SEMA3A: variants seen among roughly 807,000 people sequenced by gnomAD.
The protein encoded by SEMA3A is semaphorin 3A.
A neutral mutation model predicts 97.9 loss-of-function variants in SEMA3A; 29 were observed. The observed-to-expected ratio is 0.30, with a 90% confidence interval of 0.22 to 0.40. The LOEUF (loss-of-function observed/expected upper bound fraction) is 0.40, where lower values mean the gene tolerates loss of function less well. SEMA3A is among the 10% of genes least tolerant of loss of function. The pLI is 1.00. For missense variants in SEMA3A, 763 were observed against 951.3 expected, an observed-to-expected ratio of 0.80 and a Z score of 2.60; for synonymous variants, 321 against 323.7, an observed-to-expected ratio of 0.99 and a Z score of 0.09.
chr7:84,358,279 T>G (rs1292796958), intron 2 of SEMA3A, among the ~76,000 whole-genome samples: 1 of 152,176 alleles, frequency 6.6e-6, no homozygotes, highest in East Asian at 1.9e-4. Flanking sequence ...GGTCTAACAT[T>G]TAAGTCTTTA....
At chr7:84,005,944 G>T (rs1374691922) in intron 10 of SEMA3A, among the ~76,000 whole-genome samples, 2 of 151,924 alleles carry the variant, frequency 1.3e-5, no homozygotes, top group Non-Finnish European at 2.9e-5. Flanking sequence ...ACAAGAATCT[G>T]TCTCAAAAAT....
intron 1 of SEMA3A, among the ~76,000 whole-genome samples, chr7:84,149,249 T>C (rs574509375): frequency 6.6e-6 from 1 of 152,372 alleles, no homozygotes; most frequent in East Asian, 1.9e-4. Context: ...AAGGATTTTA[T>C]CTTAATTGGC....
In SEMA3A at chr7:84,143,991, ACAC is replaced by A. The variant is rs1562810323; in HGVS notation, c.113-9043_113-9041del. Among the ~76,000 whole-genome samples, 6 of 146,346 alleles carry A rather than the reference ACAC, an allele frequency of 4.1e-5. No homozygotes were observed. The South Asian group carries it at 1.1e-3, about 27-fold the overall frequency. ...CACACACACACACACACACACACAC[ACAC>A]AATTTATTGTGTATGCATTATCCTT... On this transcript the variant is annotated intron_variant, in intron 1 of 16. Coordinates refer to ENST00000265362, the MANE Select transcript of SEMA3A (RefSeq NM_006080.3).
intron 3 of SEMA3A, among the ~76,000 whole-genome samples, chr7:84,259,953 C>T (rs1217777929): frequency 6.6e-6 from 1 of 152,124 alleles, no homozygotes; most frequent in African/African-American, 2.4e-5. Flanking sequence ...ATTGTAGATG[C>T]CGATACACAG....
chr7:84,113,185 G>A (rs1232840421), intron 3 of SEMA3A, among the ~76,000 whole-genome samples: 1 of 152,190 alleles, frequency 6.6e-6, no homozygotes, highest in Non-Finnish European at 1.5e-5. Flanking sequence ...AAAAATAGTT[G>A]AGAGGAGACT....
chr7:84,323,573 G>T (rs1471703522), intron 2 of SEMA3A, among the ~76,000 whole-genome samples: 1 of 151,802 alleles, frequency 6.6e-6, no homozygotes, highest in East Asian at 1.9e-4. Flanking sequence ...ATTTTGAGTG[G>T]AAACATAGGG....
At chr7:84,029,838 C>CACACACACAT (rs1554397098) in intron 6 of SEMA3A, among the ~76,000 whole-genome samples, 2 of 151,066 alleles carry the variant, frequency 1.3e-5, no homozygotes, top group African/African-American at 4.9e-5. Context: ...CACACACACA[C>CACACACACAT]ATTTTAGAAA....
At position 83,988,732 on chromosome 7, in the gene SEMA3A, T is replaced by G. The variant is rs867942780; in HGVS notation, c.1453-3255A>C. ...AAATATAATAATTTTACACAAAAATTATCAATCATAAAGACAATTATGATG... is the reference window on the plus strand; with the variant it reads ...AAATATAATAATTTTACACAAAAATGATCAATCATAAAGACAATTATGATG... On this transcript the variant is annotated intron_variant, in intron 12 of 16. Transcript: ENST00000265362. Among the ~76,000 whole-genome samples the G allele has an allele frequency of 3.5e-4, 54 of 152,196 alleles. 1 individual carries two copies. Among genetic ancestry groups the G allele is most frequent in the African/African-American group, 1.3e-3 (53 of 41,536 alleles).
intron 1 of SEMA3A, among the ~76,000 whole-genome samples, chr7:84,474,792 T>C (rs1430953536): frequency 2.6e-5 from 4 of 151,888 alleles, no homozygotes; most frequent in Admixed American, 1.3e-4. Flanking sequence ...ATAAGCCCCA[T>C]ACACAGTAAA....
chr7:84,194,639 G>T lies in SEMA3A; in HGVS notation c.-53C>A. The T allele has an allele frequency of 8.6e-7, 1 of 1,162,998 alleles. No individual in the cohort carries two copies. Among genetic ancestry groups the T allele is most frequent in the Non-Finnish European group, 1.3e-6 (1 of 775,632 alleles). The allele number at this position is 1,162,998 out of a possible 1,614,324, so 72.0% of individuals were successfully genotyped here. ...GCTTTAGTCTTCCTTCCTGTATTGT[G>T]CGGCCAGAGAAGTTCAAACAATCTG... On this transcript the variant is annotated 5_prime_UTR_variant, in exon 1 of 17. Transcript: ENST00000265362.
chr7:83,988,767 TC>T (rs1252534382), intron 12 of SEMA3A, among the ~76,000 whole-genome samples: 1 of 151,968 alleles, frequency 6.6e-6, no homozygotes, highest in African/African-American at 2.4e-5. Context: ...GAAAGGAATG[TC>T]TATCAACTTT....
intron 1 of SEMA3A, among the ~76,000 whole-genome samples, chr7:84,396,138 C>T (rs534148610): frequency 1.3e-5 from 2 of 151,996 alleles, no homozygotes; most frequent in East Asian, 3.9e-4. Context: ...AAAAGAAAGA[C>T]TAGCAGGAAT....
At chr7:84,315,924 T>A (rs1479963587) in intron 2 of SEMA3A, among the ~76,000 whole-genome samples, 1 of 151,624 alleles carries the variant, frequency 6.6e-6, no homozygotes, top group East Asian at 1.9e-4. Context: ...GTACTTTTTG[T>A]ATTACTAATA....
At chr7:84,043,638 A>T (rs1338189644) in intron 6 of SEMA3A, among the ~76,000 whole-genome samples, 1 of 152,072 alleles carries the variant, frequency 6.6e-6, no homozygotes, top group Non-Finnish European at 1.5e-5. Context: ...TTTCAATTTT[A>T]TTCTGTAATG....
chr7:84,099,134 G>T lies in SEMA3A; in HGVS notation c.453+11336C>A, dbSNP rs550179270. Among the ~76,000 whole-genome samples, 113 of 107,818 alleles carry T rather than the reference G, an allele frequency of 1.0e-3. 33 individuals are homozygous for T. Among genetic ancestry groups the T allele is most frequent in the Non-Finnish European group, 2.0e-3 (92 of 46,038 alleles). The allele number at this position is 107,818 out of a possible 152,430, so 70.7% of individuals were successfully genotyped here. On this transcript the variant is annotated intron_variant, in intron 4 of 16. Coordinates refer to ENST00000265362, the MANE Select transcript of SEMA3A (RefSeq NM_006080.3). ...CGCCCAGGCTGGAGTGCAGTGGCGC[G>T]ATCTCGGCTCACTGCAAGCTCCGCC...
At chr7:84,347,646 G>A (rs1178615066) in intron 2 of SEMA3A, among the ~76,000 whole-genome samples, 2 of 152,050 alleles carry the variant, frequency 1.3e-5, no homozygotes, top group Non-Finnish European at 2.9e-5. Flanking sequence ...TCTTGACCTC[G>A]TGATCCGCCC....
chr7:84,048,920 A>C (rs1001841320), intron 5 of SEMA3A, among the ~76,000 whole-genome samples: 1 of 152,060 alleles, frequency 6.6e-6, no homozygotes, highest in Non-Finnish European at 1.5e-5. Context: ...ACTTGGATAG[A>C]AAAGGTGTTT....
At chr7:83,998,629 A>C (rs1227819132) in intron 12 of SEMA3A, among the ~76,000 whole-genome samples, 1 of 146,958 alleles carries the variant, frequency 6.8e-6, no homozygotes, top group East Asian at 1.9e-4. Flanking sequence ...GCTTTCTGCA[A>C]GTACTTTACA....
intron 2 of SEMA3A, among the ~76,000 whole-genome samples, chr7:84,368,082 A>C (rs1009479920): frequency 2.0e-5 from 3 of 151,268 alleles, no homozygotes; most frequent in Non-Finnish European, 4.4e-5. Flanking sequence ...TAGGTGCTAT[A>C]GAAATTAAAT....
Sources: allele counts gnomAD v4.1 joint callset (sites outside exome capture counted in the v4.1 genomes callset), GRCh38; gene constraint gnomAD v4.1.1; transcripts MANE v1.5; gene names NCBI Gene and HGNC (gene_info 2026-07-23, HGNC 2026-07-21).